The following JMY variants were observed in gnomAD, a reference collection of about 807,000 sequenced individuals.
The protein encoded by JMY is junction-mediating and -regulatory protein.
JMY carries 46 observed loss-of-function variants against 103.3 expected under a neutral mutation model. The ratio of observed to expected loss-of-function variants is 0.45; its 90% CI spans 0.35 to 0.57. The LOEUF (loss-of-function observed/expected upper bound fraction) is 0.57, where lower values mean the gene tolerates loss of function less well. JMY is among the 20% of genes least tolerant of loss of function. The pLI, the probability that JMY is intolerant of heterozygous loss-of-function variation, is 0.00. For synonymous variants in JMY, 526 were observed against 489.3 expected (o/e 1.07, Z -0.99); for missense variants, 1,238 against 1,255.2 (o/e 0.99, Z 0.21).
Position 79,326,793 on chromosome 5 carries a change from T to C in JMY, c.*5191T>C, listed in dbSNP as rs1192347689. 6.6e-6 allele frequency: 1 copy of C among 152,236 alleles called. No homozygotes were observed. Among genetic ancestry groups the C allele is most frequent in the Non-Finnish European group, 1.5e-5 (1 of 68,026 alleles). 9.4% of individuals were successfully genotyped at this position (152,236 alleles called of 1,614,324 possible). On this transcript the variant is annotated 3_prime_UTR_variant, in exon 11 of 11. Coordinates refer to ENST00000396137, the MANE Select transcript of JMY (RefSeq NM_152405.5). ...AAGGTAGAAGCAAAACACTAGCACA[T>C]TGTGCTTTGCTTGGCTTGTAAGGAT...
chr5:79,315,503 A>G (rs902533591), intron 9 of JMY, among the ~76,000 whole-genome samples: 1 of 152,216 alleles, frequency 6.6e-6, no homozygotes, highest in African/African-American at 2.4e-5. Context: ...TATTACTTGT[A>G]TATTACATTT....
At position 79,314,578 on chromosome 5, in the gene JMY, T is replaced by C. The variant is rs777151529; in HGVS notation, c.2386T>C (p.Cys796Arg). ...ACTTTTGAATAACAACCTCGAACCA[T>C]GTTCTGTTACCATAAATCCACTCCC... ...LPLLNNNLEP[C>R]SVTINPLPSP... Residue 796 changes from cysteine (C) to arginine (R), a missense_variant, in exon 9 of 11, where the codon TGT becomes CGT. Coordinates refer to ENST00000396137, the MANE Select transcript of JMY (RefSeq NM_152405.5). The C allele has an allele frequency of 6.8e-6, 11 of 1,614,124 alleles. No individual in the cohort carries two copies. The South Asian group carries it at 1.2e-4, about 18-fold the overall frequency.
At chr5:79,280,174 A>G (rs1746066975) in intron 2 of JMY, among the ~76,000 whole-genome samples, 1 of 152,198 alleles carries the variant, frequency 6.6e-6, no homozygotes, top group African/African-American at 2.4e-5. Flanking sequence ...TGAATCATGG[A>G]TATTTGTCTG....
rs975068551 is a variant in JMY, at chr5:79,237,284, G to C, written c.634G>C (p.Glu212Gln). The C allele has an allele frequency of 6.4e-7, 1 of 1,554,608 alleles. No individual in the cohort carries two copies. Among genetic ancestry groups the C allele is most frequent in the African/African-American group, 1.4e-5 (1 of 73,202 alleles). ...DEAPLALSDA[E>Q]QPPPATELES... ...GGCACCTCTGGCGCTCTCGGACGCG[G>C]AGCAGCCGCCGCCCGCCACCGAGCT... The change falls in exon 1 of 11, where the codon GAG (glutamate) becomes CAG (glutamine). Residue 212 changes from glutamate to glutamine, a missense_variant. Coordinates refer to ENST00000396137, the MANE Select transcript of JMY (RefSeq NM_152405.5).
Position 79,316,246 on chromosome 5 carries a change from A to G in JMY, c.2906A>G (p.Glu969Gly). 2 of 1,614,026 alleles carry G rather than the reference A, an allele frequency of 1.2e-6. No homozygotes were observed. Among genetic ancestry groups the G allele is most frequent in the Non-Finnish European group, 1.7e-6 (2 of 1,179,964 alleles). The change falls in exon 10 of 11, where the codon GAA becomes GGA. Residue 969 changes from glutamate (E) to glycine (G), a missense_variant. Glu to Gly is a moderately conservative substitution (Grantham distance 98). Coordinates refer to ENST00000396137, the MANE Select transcript of JMY (RefSeq NM_152405.5). ...CATGAAGCTCTTAGAAGAATTAAAG[A>G]AGCATCCCCAGAGTCAGAGGACGAA... ...SIHEALRRIK[E>G]ASPESEDEEE...
chr5:79,316,400 G>C (rs1418473185), intron 10 of JMY, 90 bp downstream of exon 10: 1 of 993,364 alleles, frequency 1.0e-6, no homozygotes, highest in Admixed American at 2.9e-5. Context: ...TGAGCCTGAG[G>C]CATATCGTTT....
chr5:79,258,091 A>C (rs1745301604), intron 1 of JMY, among the ~76,000 whole-genome samples: 1 of 152,138 alleles, frequency 6.6e-6, no homozygotes, highest in African/African-American at 2.4e-5. Context: ...ACATGTATGT[A>C]CAGAGTGTGT....
intron 1 of JMY, among the ~76,000 whole-genome samples, chr5:79,255,044 C>T (rs1252191563): frequency 6.6e-6 from 1 of 151,350 alleles, no homozygotes; most frequent in Non-Finnish European, 1.5e-5. Flanking sequence ...AATTCCTCCT[C>T]TGTGTTATCT....
At chr5:79,271,191 A>AT (rs60790162) in intron 1 of JMY, among the ~76,000 whole-genome samples, 5,040 of 138,640 alleles carry the variant, frequency 0.036, 203 homozygotes, top group East Asian at 0.14. Context: ...ACACCTGGCT[A>AT]TTTTTTTTTT....
In JMY at chr5:79,312,490, T is replaced by C; in HGVS notation, c.2056T>C (p.Phe686Leu). Reference protein sequence around the residue: ...RQRTLDRLRTFKQRYPGQVIL... With the variant: ...RQRTLDRLRTLKQRYPGQVIL... The stretch of plus-strand genomic sequence containing the variant: ...GAGAACACTGGATAGACTTCGAACA[T>C]TTAAACAGGTATTAAAAGTAATGGT... The change falls in exon 8 of 11, where the codon TTT (phenylalanine) becomes CTT (leucine). Residue 686 changes from phenylalanine to leucine, a missense_variant. Physicochemically the swap from Phe to Leu is conservative, Grantham distance 22. Transcript: ENST00000396137. 6.5e-7 allele frequency: 1 copy of C among 1,539,372 alleles called. No homozygotes were observed.
At chr5:79,274,032 T>C (rs1745863285) in intron 1 of JMY, among the ~76,000 whole-genome samples, 2 of 152,110 alleles carry the variant, frequency 1.3e-5, no homozygotes, top group Non-Finnish European at 1.5e-5. Context: ...GGTTTCACCA[T>C]GTTAACCAGG....
intron 4 of JMY, among the ~76,000 whole-genome samples, chr5:79,297,397 A>C (rs1746594419): frequency 6.6e-6 from 1 of 152,106 alleles, no homozygotes; most frequent in Non-Finnish European, 1.5e-5. Context: ...ATCTGGAATT[A>C]GTTCTCTTTT....
At chr5:79,283,616 A>G (rs1746184981) in intron 2 of JMY, among the ~76,000 whole-genome samples, 1 of 152,194 alleles carries the variant, frequency 6.6e-6, no homozygotes, top group Non-Finnish European at 1.5e-5. Flanking sequence ...AGTCTACTAC[A>G]TTGGGTCTCA....
intron 2 of JMY, among the ~76,000 whole-genome samples, chr5:79,287,791 A>G (rs1197909132): frequency 6.6e-6 from 1 of 152,224 alleles, no homozygotes; most frequent in African/African-American, 2.4e-5. Context: ...ATAATTGTCA[A>G]AGGATTTAGA....
intron 2 of JMY, among the ~76,000 whole-genome samples, chr5:79,285,843 T>C (rs1318241148): frequency 1.3e-5 from 2 of 152,182 alleles, no homozygotes; most frequent in Admixed American, 1.3e-4. Context: ...CTAAGGTGGA[T>C]TTCCCCCCTA....
At position 79,290,181 on chromosome 5, in the gene JMY, G is replaced by A; in HGVS notation, c.1267G>A (p.Ala423Thr). The A allele has an allele frequency of 6.3e-7, 1 of 1,598,644 alleles. No individual in the cohort carries two copies. The change falls in exon 3 of 11, where the codon GCT becomes ACT. Residue 423 changes from alanine to threonine, a missense_variant. Physicochemically the swap from Ala to Thr is moderately conservative, Grantham distance 58. Coordinates refer to ENST00000396137, the MANE Select transcript of JMY (RefSeq NM_152405.5). ...RRIESLQKEDADWQRKAHMAV... is the reference protein window; with the variant it reads ...RRIESLQKEDTDWQRKAHMAV... Reference sequence around the variant, plus strand: ...AATTGAGAGTCTACAAAAAGAAGATGCTGATTGGCAGCGGAAAGCTCACAT... The same window carrying A: ...AATTGAGAGTCTACAAAAAGAAGATACTGATTGGCAGCGGAAAGCTCACAT...
chr5:79,265,625 T>C (rs773299982), intron 1 of JMY, among the ~76,000 whole-genome samples: 2 of 152,054 alleles, frequency 1.3e-5, no homozygotes, highest in Non-Finnish European at 2.9e-5. Flanking sequence ...ATGTTCTTTT[T>C]CCCCCACTCT....
At chr5:79,308,035 C>G (rs973392855) in intron 7 of JMY, among the ~76,000 whole-genome samples, 1 of 152,130 alleles carries the variant, frequency 6.6e-6, no homozygotes, top group Non-Finnish European at 1.5e-5. Flanking sequence ...CCGTGCCTAG[C>G]CTTTTTGCTC....
At position 79,300,707 on chromosome 5, in the gene JMY, T is replaced by G; in HGVS notation, c.1725T>G (p.Thr575=). Residue 575 remains threonine, a synonymous_variant, in exon 6 of 11, where the codon ACT becomes ACG. Transcript: ENST00000396137. ...EKRDEVVYYD[T]YESMEAMLEK... Reference sequence around the variant, plus strand: ...GAGATGAAGTGGTATACTATGACACTTACGAAAGCATGGAGGCCATGCTGG... The same window carrying G: ...GAGATGAAGTGGTATACTATGACACGTACGAAAGCATGGAGGCCATGCTGG... 1 of 1,608,450 alleles carries G rather than the reference T, an allele frequency of 6.2e-7. No homozygotes were observed. The highest frequency in any genetic ancestry group is 8.5e-7 in the Non-Finnish European group (1 of 1,178,620).
Sources: allele counts gnomAD v4.1 joint callset (sites outside exome capture counted in the v4.1 genomes callset), GRCh38; gene constraint gnomAD v4.1.1; transcripts MANE v1.5; gene names NCBI Gene and HGNC (gene_info 2026-07-23, HGNC 2026-07-21).